Variants in PI4KB observed in about 807,000 individuals in gnomAD.
PI4KB encodes PtdIns 4-kinase beta.
PI4KB carries 23 observed loss-of-function variants against 81.4 expected under a neutral mutation model. The observed-to-expected ratio is 0.28, with a 90% confidence interval of 0.20 to 0.40. The LOEUF is 0.40. Ranked by LOEUF, PI4KB falls within the 10% of genes least tolerant of loss-of-function variation. The pLI is 1.00. For synonymous variants in PI4KB, 381 were observed against 406.8 expected (o/e 0.94, Z 0.76); for missense variants, 651 against 1,036.6 (o/e 0.63, Z 5.11).
At chr1:151,312,516 T>G (rs1647275960) in intron 2 of PI4KB, among the ~76,000 whole-genome samples, 2 of 152,210 alleles carry the variant, frequency 1.3e-5, no homozygotes, top group African/African-American at 4.8e-5. Context: ...GGGGTTTTCA[T>G]TATTACTTCA....
chr1:151,327,630 C>T (rs1649853684), upstream of PI4KB: 2 of 375,084 alleles, frequency 5.3e-6, no homozygotes, highest in Non-Finnish European at 9.4e-6. Context: ...CCCCAGCGGT[C>T]AGGACCCTAC....
chr1:151,312,491 A>G (rs987511465), intron 2 of PI4KB, among the ~76,000 whole-genome samples: 7 of 152,226 alleles, frequency 4.6e-5, no homozygotes, highest in African/African-American at 1.7e-4. Context: ...CAAACTAAAC[A>G]GTTCCATAGA....
chr1:151,310,613 C>CT lies in PI4KB; in HGVS notation c.910-359dup, dbSNP rs764057619. ...AACTGCACTGCCAAGCTTCCCTGCT[C>CT]TTTTTTTTTACCCACTCACATGCTC... On this transcript the variant is annotated intron_variant, in intron 2 of 11. Transcript: ENST00000368873. Among the ~76,000 whole-genome samples the CT allele has an allele frequency of 4.5e-4, 69 of 151,702 alleles. No homozygotes were observed. In the South Asian group the frequency reaches 8.8e-3, roughly 19 times the overall value.
Position 151,303,610 on chromosome 1 carries a change from T to C in PI4KB, c.1451A>G (p.Gln484Arg). 1 of 1,614,002 alleles carries C rather than the reference T, an allele frequency of 6.2e-7. No homozygotes were observed. The highest frequency in any genetic ancestry group is 8.5e-7 in the Non-Finnish European group (1 of 1,179,926). ...VHTNSCDNIS[Q>R]FSVDSITSQE... ...GCTGGTGATGCTGTCCACAGAGAAC[T>C]GGGAGATGTTGTCACAGCTGTTGGT... is the stretch of plus-strand genomic sequence containing the variant. Residue 484 changes from glutamine to arginine, a missense_variant, in exon 6 of 12, where the codon CAG becomes CGG. Physicochemically the swap from Gln to Arg is conservative, Grantham distance 43. This residue lies in a region of PI4KB where 246 missense variants were observed against 430.1 expected (regional missense o/e 0.57). Transcript: ENST00000368873.
At chr1:151,303,859 C>G (rs1303376083) in intron 5 of PI4KB, among the ~76,000 whole-genome samples, 1 of 152,124 alleles carries the variant, frequency 6.6e-6, no homozygotes, top group Non-Finnish European at 1.5e-5. Flanking sequence ...AATGCAGATT[C>G]CCAGGCCCCA....
At chr1:151,325,372 T>C (rs1230355245) in intron 1 of PI4KB, among the ~76,000 whole-genome samples, 1 of 152,080 alleles carries the variant, frequency 6.6e-6, no homozygotes, top group Non-Finnish European at 1.5e-5. Flanking sequence ...TGGGATAAGA[T>C]GACATAACTA....
chr1:151,297,327 G>T (rs1022125548), intron 9 of PI4KB, among the ~76,000 whole-genome samples: 1 of 151,116 alleles, frequency 6.6e-6, no homozygotes, highest in South Asian at 2.1e-4. Flanking sequence ...CGATCCTCCT[G>T]CCTCGGCCTT....
At chr1:151,298,113 T>C (rs1004762934) in intron 9 of PI4KB, among the ~76,000 whole-genome samples, 3 of 152,196 alleles carry the variant, frequency 2.0e-5, no homozygotes, top group African/African-American at 7.2e-5. Flanking sequence ...AAATGACAGC[T>C]CTGGGCAAAA....
chr1:151,325,854 T>C (rs1649531808), intron 1 of PI4KB, among the ~76,000 whole-genome samples: 2 of 152,184 alleles, frequency 1.3e-5, no homozygotes, highest in African/African-American at 2.4e-5. Context: ...TACCAACTTA[T>C]TACTGCACTG....
At chr1:151,311,815 A>G (rs1380941001) in intron 2 of PI4KB, among the ~76,000 whole-genome samples, 1 of 152,200 alleles carries the variant, frequency 6.6e-6, no homozygotes, top group Non-Finnish European at 1.5e-5. Context: ...CTGACATCAC[A>G]CCATATCAAG....
Position 151,294,085 on chromosome 1 carries a change from C to T in PI4KB, c.2202G>A (p.Leu734=). The change falls in exon 11 of 12, where the codon CTG becomes CTA. Residue 734 remains leucine, a synonymous_variant. Coordinates refer to ENST00000368873, the MANE Select transcript of PI4KB (RefSeq NM_001369623.2). ...GTTTCCGAGCGGCAATCAGCCCTTGCAGCATCAGCATCTTATAGTAGTTGA... is the reference window on the plus strand; with the variant it reads ...GTTTCCGAGCGGCAATCAGCCCTTGTAGCATCAGCATCTTATAGTAGTTGA... ...DMFNYYKMLM[L]QGLIAARKHM... is the part of the protein sequence containing the mutation. 1.9e-6 allele frequency: 3 copies of T among 1,614,084 alleles called. No individual in the cohort carries two copies. Among genetic ancestry groups the T allele is most frequent in the Non-Finnish European group, 1.7e-6 (2 of 1,179,972 alleles).
Position 151,316,147 on chromosome 1 carries a change from G to A in PI4KB, c.335C>T (p.Thr112Ile). The A allele has an allele frequency of 6.2e-7, 1 of 1,614,014 alleles. No homozygotes were observed. Among genetic ancestry groups the A allele is most frequent in the East Asian group, 2.2e-5 (1 of 44,890 alleles). Residue 112 changes from threonine to isoleucine, a missense_variant, in exon 2 of 12, where the codon ACA becomes ATA. Transcript: ENST00000368873. ...CCGCCGTCTTCTTGCTCCTTTGGCT[G>A]TGCCTGAGGCCACAGCGGCCCCCAT... Reference protein sequence around the residue: ...DEMGAAVASGTAKGARRRRQN... With the variant: ...DEMGAAVASGIAKGARRRRQN...
chr1:151,327,300 G>A lies in PI4KB; in HGVS notation c.-58C>T. 2.5e-6 allele frequency: 1 copy of A among 397,266 alleles called. No individual in the cohort carries two copies. Among genetic ancestry groups the A allele is most frequent in the Non-Finnish European group, 4.4e-6 (1 of 225,482 alleles). The allele number at this position is 397,266 out of a possible 1,614,324, so 24.6% of individuals were successfully genotyped here. A position where few individuals can be genotyped will look rare whatever the true frequency, so the allele number is the denominator to read the frequency against. ...GGGGGACCCCCGCGGAGGGGGTGCG[G>A]GCAGTCGCGGTTGGACTGCCGACAC... is the stretch of plus-strand genomic sequence containing the variant. On this transcript the variant is annotated 5_prime_UTR_variant, in exon 1 of 12. Coordinates refer to ENST00000368873, the MANE Select transcript of PI4KB (RefSeq NM_001369623.2).
At chr1:151,302,059 A>C (rs185176876) in intron 7 of PI4KB, 92 bp from the exon 8 acceptor site, 3 of 1,595,088 alleles carry the variant, frequency 1.9e-6, no homozygotes, top group Admixed American at 3.4e-5. Context: ...CAAACGCCCC[A>C]TAGGGCAAGG....
At chr1:151,305,542 C>T (rs954359600) in intron 5 of PI4KB, among the ~76,000 whole-genome samples, 11 of 152,170 alleles carry the variant, frequency 7.2e-5, no homozygotes, top group African/African-American at 2.7e-4. Context: ...TAATTCCTAC[C>T]CATGCTTCCA....
At chr1:151,312,529 T>G (rs1052085965) in intron 2 of PI4KB, among the ~76,000 whole-genome samples, 2 of 152,236 alleles carry the variant, frequency 1.3e-5, no homozygotes, top group African/African-American at 4.8e-5. Flanking sequence ...TTACTTCACA[T>G]GTTCCTAGAG....
Position 151,307,597 on chromosome 1 carries a change from C to T in PI4KB, c.1159G>A (p.Val387Ile). The T allele has an allele frequency of 1.2e-6, 2 of 1,613,752 alleles. No individual in the cohort carries two copies. The highest frequency in any genetic ancestry group is 1.1e-5 in the South Asian group (1 of 91,070). The change falls in exon 4 of 12, where the codon GTT (valine) becomes ATT (isoleucine). Residue 387 changes from valine (V) to isoleucine (I), a missense_variant. Physicochemically the swap from Val to Ile is conservative, Grantham distance 29 (BLOSUM62 3). Transcript: ENST00000368873. ...HVVRVPHTQAVVLNSKDKAPY... is the reference protein window; with the variant it reads ...HVVRVPHTQAIVLNSKDKAPY... ...ACCTTGTCCTTGGAGTTGAGGACAA[C>T]AGCCTGTGTGTGGGGTACACGGACC... is the stretch of plus-strand genomic sequence containing the variant.
chr1:151,310,962 A>G (rs1304158308), intron 2 of PI4KB, among the ~76,000 whole-genome samples: 1 of 152,174 alleles, frequency 6.6e-6, no homozygotes, highest in African/African-American at 2.4e-5. Context: ...GGCTATCCAC[A>G]TGACAATCAA....
chr1:151,320,769 A>C (rs1465067166), intron 1 of PI4KB, among the ~76,000 whole-genome samples: 1 of 152,222 alleles, frequency 6.6e-6, no homozygotes, highest in Non-Finnish European at 1.5e-5. Flanking sequence ...GTCTGCTTAG[A>C]AACTCATGTG....
Sources: gnomAD v4.1 joint callset for allele counts (sites outside exome capture counted in the v4.1 genomes callset) on GRCh38, gnomAD v4.1.1 for gene constraint, gnomAD v4.1.1 regional missense constraint, MANE v1.5 for transcripts, NCBI Gene and HGNC (gene_info 2026-07-23, HGNC 2026-07-21) for gene names.